HUWE1: variants seen among roughly 807,000 people sequenced by gnomAD.
The protein encoded by HUWE1 is HECT, UBA and WWE domain containing E3 ubiquitin protein ligase 1.
HUWE1 carries 18 observed loss-of-function variants against 299.4 expected under a neutral mutation model. The observed-to-expected ratio is 0.06, with a 90% confidence interval of 0.04 to 0.09. The LOEUF is 0.09. HUWE1 is among the 10% of genes least tolerant of loss of function. The pLI, the probability that HUWE1 is intolerant of heterozygous loss-of-function variation, is 1.00. For synonymous variants in HUWE1, 1,317 were observed against 1,286.1 expected, an observed-to-expected ratio of 1.02 and a Z score of -0.51; for missense variants, 1,832 against 3,462.3, an observed-to-expected ratio of 0.53 and a Z score of 11.82.
At chrX:53,568,601 C>A in intron 49 of HUWE1, 91 bp downstream of exon 49, 1 of 905,035 alleles carries the variant, frequency 1.1e-6, no homozygotes, top group Non-Finnish European at 1.6e-6. Flanking sequence ...CACTTGTACC[C>A]AAAGTTTTCC....
At chrX:53,624,011 C>T (rs782405002) in intron 19 of HUWE1, among the ~76,000 whole-genome samples, 1 of 112,552 alleles carries the variant, frequency 8.9e-6, no homozygotes, top group Non-Finnish European at 1.9e-5. Context: ...TACTACTTAT[C>T]GAAGGTATAT....
In HUWE1 at chrX:53,565,023, G is replaced by A. The variant is rs56223755; in HGVS notation, c.6880+44C>T. 1,877 of 1,159,180 alleles carry A rather than the reference G, an allele frequency of 1.6e-3. 2 individuals carry two copies. The highest frequency in any genetic ancestry group is 1.9e-3 in the Non-Finnish European group (1,585 of 849,345). On this transcript the variant is annotated intron_variant, in intron 50 of 83. Transcript: ENST00000262854. ...ACAGTTGTGATCCCAGGCCCATAAA[G>A]CAACTACTCCCACCTCTCCAGTCCA...
At chrX:53,661,674 T>A (rs2069009884) in intron 3 of HUWE1, among the ~76,000 whole-genome samples, 1 of 112,304 alleles carries the variant, frequency 8.9e-6, no homozygotes, top group African/African-American at 3.2e-5. Flanking sequence ...CACCAAGCAA[T>A]CTCTATATAT....
At position 53,590,461 on chromosome X, in the gene HUWE1, T is replaced by C. The variant is rs1602928904; in HGVS notation, c.4134A>G (p.Ala1378=). The change falls in exon 35 of 84, where the codon GCA becomes GCG. Residue 1378 remains alanine, a synonymous_variant. Coordinates refer to ENST00000262854, the MANE Select transcript of HUWE1 (RefSeq NM_031407.7). ...TATCCTGTCCCAGAGACATAGCAAT[T>C]GCTCTCATCATCTGGTCCTCTTCAG... ...SMSEEDQMMR[A]IAMSLGQDIP... 3 of 1,206,305 alleles carry C rather than the reference T, an allele frequency of 2.5e-6. No homozygotes were observed. The highest frequency in any genetic ancestry group is 1.8e-5 in the South Asian group (1 of 56,742).
In HUWE1 at chrX:53,589,809, G is replaced by A. The variant is rs370883609; in HGVS notation, c.4199C>T (p.Ala1400Val). 1 of 1,206,633 alleles carries A rather than the reference G, an allele frequency of 8.3e-7. No individual in the cohort carries two copies. Reference protein sequence around the residue: ...DQRAESPEEVACRKEEEERKA... With the variant: ...DQRAESPEEVVCRKEEEERKA... ...CCGTTCCTCTTCCTCCTTCCGGCAA[G>A]CAACTTCCTGGAAGCAGGGAAGGAA... Residue 1400 changes from alanine to valine, a missense_variant, in exon 36 of 84, where the codon GCT (alanine) becomes GTT (valine). Physicochemically the swap from Ala to Val is moderately conservative, Grantham distance 64. Coordinates refer to ENST00000262854, the MANE Select transcript of HUWE1 (RefSeq NM_031407.7).
chrX:53,654,501 T>G (rs782681813), intron 3 of HUWE1, among the ~76,000 whole-genome samples: 2 of 112,101 alleles, frequency 1.8e-5, no homozygotes, highest in East Asian at 5.6e-4. Context: ...AACTTCCATT[T>G]CTAGGAATTA....
intron 61 of HUWE1, among the ~76,000 whole-genome samples, chrX:53,553,206 C>CAATCTCGGCTCACTG (rs2061840664): frequency 9.1e-6 from 1 of 110,081 alleles, no homozygotes; most frequent in Non-Finnish European, 1.9e-5. Context: ...TACAGTGGCA[C>CAATCTCGGCTCACTG]AATCTCGGCT....
At position 53,593,457 on chromosome X, in the gene HUWE1, A is replaced by G. The variant is rs782116935; in HGVS notation, c.3648T>C (p.Leu1216=). The G allele has an allele frequency of 8.4e-5, 102 of 1,209,531 alleles. No individual in the cohort carries two copies. The highest frequency in any genetic ancestry group is 1.1e-4 in the Non-Finnish European group (101 of 894,668). ...VEKMVNPTTV[L]ESPHSLPAKL... ...TGGCAGGCAGCGAATGTGGAGATTC[A>G]AGCACCGTGGTGGGATTCACCATCT... The change falls in exon 32 of 84, where the codon CTT becomes CTC. Residue 1216 remains leucine, a synonymous_variant. Transcript: ENST00000262854.
intron 47 of HUWE1, among the ~76,000 whole-genome samples, chrX:53,571,539 C>T (rs2062826952): frequency 9.0e-6 from 1 of 111,518 alleles, no homozygotes; most frequent in Non-Finnish European, 1.9e-5. Context: ...GAGTTCAAAG[C>T]TGCAGTGAGC....
In HUWE1 at chrX:53,609,417, G is replaced by A. The variant is rs933596182; in HGVS notation, c.2262-508C>T. ...ACATCATACGATGTTTTTGCATCACGTTTAAAGTTATGGAGAGTAGGAAAT... is the reference window on the plus strand; with the variant it reads ...ACATCATACGATGTTTTTGCATCACATTTAAAGTTATGGAGAGTAGGAAAT... On this transcript the variant is annotated intron_variant, in intron 23 of 83. Coordinates refer to ENST00000262854, the MANE Select transcript of HUWE1 (RefSeq NM_031407.7). Among the ~76,000 whole-genome samples, 3 of 112,289 alleles carry A rather than the reference G, an allele frequency of 2.7e-5. No homozygotes were observed. In the Admixed American group the frequency reaches 2.8e-4, roughly 11 times the overall value.
At chrX:53,582,658 A>G (rs1448246036) in intron 42 of HUWE1, among the ~76,000 whole-genome samples, 1 of 112,658 alleles carries the variant, frequency 8.9e-6, no homozygotes, top group Non-Finnish European at 1.9e-5. Context: ...AACAGTCATT[A>G]TTGATGACAA....
intron 17 of HUWE1, among the ~76,000 whole-genome samples, chrX:53,627,120 A>G (rs782438477): frequency 1.8e-5 from 2 of 111,836 alleles, no homozygotes; most frequent in South Asian, 7.5e-4. Flanking sequence ...AAATAAGACA[A>G]TAAGAAATAC....
chrX:53,540,457 T>C (rs1185304867), intron 74 of HUWE1, among the ~76,000 whole-genome samples: 3 of 111,045 alleles, frequency 2.7e-5, no homozygotes, highest in African/African-American at 9.8e-5. Flanking sequence ...GCCTCCTGAG[T>C]AGCTGGAATT....
intron 12 of HUWE1, among the ~76,000 whole-genome samples, chrX:53,630,551 G>C (rs2066805872): frequency 9.1e-6 from 1 of 110,334 alleles, no homozygotes; most frequent in African/African-American, 3.3e-5. Flanking sequence ...GCACAGTATT[G>C]ACTACTGAAT....
intron 55 of HUWE1, 69 bp downstream of exon 55, chrX:53,561,687 G>A (rs1296000353): frequency 3.3e-6 from 4 of 1,201,478 alleles, no homozygotes; most frequent in African/African-American, 1.8e-5. Context: ...TTGGTCCACT[G>A]CTTGGCTTAC....
chrX:53,625,214 A>G lies in HUWE1; in HGVS notation c.1534T>C (p.Leu512=), dbSNP rs1266258938. Residue 512 remains leucine, a synonymous_variant, in exon 18 of 84, where the codon TTG becomes CTG. Coordinates refer to ENST00000262854, the MANE Select transcript of HUWE1 (RefSeq NM_031407.7). The part of the protein sequence containing the change: ...PQRAALLKSM[L]NFLKKAIQDP... ...TGGATGGCCTTCTTGAGGAAATTCA[A>G]CATGGATTTCAGAAGTGCTGCTCGT... 6.6e-6 allele frequency: 8 copies of G among 1,204,782 alleles called. No homozygotes were observed. In the African/African-American group the frequency reaches 8.7e-5, roughly 13 times the overall value.
intron 19 of HUWE1, among the ~76,000 whole-genome samples, chrX:53,623,833 T>A (rs1283285331): frequency 8.9e-6 from 1 of 112,057 alleles, no homozygotes; most frequent in Non-Finnish European, 1.9e-5. Context: ...AGTATCTAAG[T>A]TGTAGTAGCC....
intron 12 of HUWE1, among the ~76,000 whole-genome samples, chrX:53,630,245 C>T (rs782310718): frequency 5.4e-5 from 6 of 112,044 alleles, no homozygotes; most frequent in Admixed American, 9.4e-5. Flanking sequence ...AAGAATTTCA[C>T]GCCAAGAAAC....
chrX:53,569,226 C>T (rs2062711416), intron 48 of HUWE1, among the ~76,000 whole-genome samples: 1 of 112,145 alleles, frequency 8.9e-6, no homozygotes, highest in Non-Finnish European at 1.9e-5. Flanking sequence ...GCCATGTTGC[C>T]AAGGCTGGTC....
Sources: gnomAD v4.1 joint callset for allele counts (sites outside exome capture counted in the v4.1 genomes callset) on GRCh38, gnomAD v4.1.1 for gene constraint, MANE v1.5 for transcripts, NCBI Gene and HGNC (gene_info 2026-07-23, HGNC 2026-07-21) for gene names.